The following WDR59 variants were observed in gnomAD, a reference collection of about 807,000 sequenced individuals.
The protein encoded by WDR59 is WD repeat domain 59.
Under a neutral mutation model 131.2 loss-of-function variants are expected in WDR59, and 100 were observed. That is an observed-to-expected ratio of 0.76 (90% CI 0.65 to 0.90). The LOEUF (loss-of-function observed/expected upper bound fraction) is 0.90, where lower values mean the gene tolerates loss of function less well. Ranked by LOEUF, WDR59 falls within the 40% of genes least tolerant of loss-of-function variation. The pLI is 0.00. For missense variants in WDR59, 1,203 were observed against 1,262.2 expected, an observed-to-expected ratio of 0.95 and a Z score of 0.71; for synonymous variants, 601 against 466.2, an observed-to-expected ratio of 1.29 and a Z score of -3.72.
At chr16:74,959,364 C>T (rs1287628459) in intron 2 of WDR59, 7 of 289,908 alleles carry the variant, frequency 2.4e-5, no homozygotes, top group Non-Finnish European at 2.7e-5. Flanking sequence ...TCTCCTCCAC[C>T]GTCTACCCAC....
At chr16:74,920,817 A>C (rs1382057399) in intron 10 of WDR59, among the ~76,000 whole-genome samples, 1 of 152,228 alleles carries the variant, frequency 6.6e-6, no homozygotes, top group East Asian at 1.9e-4. Context: ...GTTCAGAAAC[A>C]GGCAAACCTA....
rs1964076427 is a variant in WDR59 at position 74,873,924 on chromosome 16, C to T, written c.*285G>A. 1 of 413,828 alleles carries T rather than the reference C, an allele frequency of 2.4e-6. No homozygotes were observed. The highest frequency in any genetic ancestry group is 2.7e-5 in the South Asian group (1 of 36,422). The allele number at this position is 413,828 out of a possible 1,614,324, so 25.6% of individuals were successfully genotyped here. A position where few individuals can be genotyped will look rare whatever the true frequency, so the allele number is the denominator to read the frequency against. On this transcript the variant is annotated 3_prime_UTR_variant, in exon 26 of 26. Coordinates refer to ENST00000262144, the MANE Select transcript of WDR59 (RefSeq NM_030581.4). ...ACTGGCCCTGGAGCCAGGTGCTTTT[C>T]TCCATGAAAACTTCCACCTTGGTAG...
Position 74,908,986 on chromosome 16 carries a change from G to C in WDR59, c.1643-9C>G. 1 of 1,612,774 alleles carries C rather than the reference G, an allele frequency of 6.2e-7. No individual in the cohort carries two copies. The highest frequency in any genetic ancestry group is 8.5e-7 in the Non-Finnish European group (1 of 1,179,560). On this transcript the variant is annotated splice_polypyrimidine_tract_variant and intron_variant, in intron 16 of 25. Coordinates refer to ENST00000262144, the MANE Select transcript of WDR59 (RefSeq NM_030581.4). ...GAAATATACCAGGTAACCTAAAGGAGGAGACATCACATGAGCCATCAGTGT... is the reference window on the plus strand; with the variant it reads ...GAAATATACCAGGTAACCTAAAGGACGAGACATCACATGAGCCATCAGTGT...
chr16:74,977,540 T>C (rs975792474), intron 1 of WDR59, among the ~76,000 whole-genome samples: 6 of 151,784 alleles, frequency 4.0e-5, no homozygotes, highest in South Asian at 2.1e-4. Flanking sequence ...TACAAAAAAA[T>C]AGCAGGGTGT....
At chr16:74,942,055 C>T (rs1204686446) in intron 7 of WDR59, among the ~76,000 whole-genome samples, 2 of 152,230 alleles carry the variant, frequency 1.3e-5, no homozygotes, top group East Asian at 3.9e-4. Context: ...GCAGTCAATG[C>T]AGGGGAGGCC....
chr16:74,903,910 AGG>A (rs1358143754), intron 18 of WDR59, 35 bp downstream of exon 18: 1 of 1,580,468 alleles, frequency 6.3e-7, no homozygotes, highest in South Asian at 1.1e-5. Flanking sequence ...ATCCAGGAGA[AGG>A]GGTAAGAATC....
At chr16:74,881,510 C>T (rs1265644356) in intron 25 of WDR59, among the ~76,000 whole-genome samples, 3 of 151,964 alleles carry the variant, frequency 2.0e-5, no homozygotes, top group African/African-American at 4.8e-5. Context: ...TCTTTCAATA[C>T]CTGCTGTGTC....
chr16:74,961,939 T>C (rs2033583613), intron 2 of WDR59, among the ~76,000 whole-genome samples: 2 of 152,342 alleles, frequency 1.3e-5, no homozygotes, highest in African/African-American at 4.8e-5. Context: ...CATTTAAGTC[T>C]TTAATCCATC....
At chr16:74,922,466 A>G (rs2030340691) in intron 9 of WDR59, among the ~76,000 whole-genome samples, 1 of 152,232 alleles carries the variant, frequency 6.6e-6, no homozygotes, top group South Asian at 2.1e-4. Context: ...CAGAATGAGC[A>G]TGCAGGGCTG....
intron 3 of WDR59, 90 bp downstream of exon 3, chr16:74,956,385 C>T: frequency 6.7e-7 from 1 of 1,482,764 alleles, no homozygotes; most frequent in Non-Finnish European, 9.0e-7. Flanking sequence ...GCAATGAGGA[C>T]TGCATTCTCT....
At chr16:74,959,480 T>A in intron 2 of WDR59, 1 of 441,046 alleles carries the variant, frequency 2.3e-6, no homozygotes, top group Non-Finnish European at 4.5e-6. Context: ...AAAAAAGCCT[T>A]CATGGTTGGA....
At chr16:74,967,696 T>C (rs974345766) in intron 1 of WDR59, among the ~76,000 whole-genome samples, 1 of 151,798 alleles carries the variant, frequency 6.6e-6, no homozygotes, top group Admixed American at 6.6e-5. Flanking sequence ...TCATCTCTAC[T>C]AAAAATACAA....
At chr16:74,955,271 A>G (rs78755742) in intron 3 of WDR59, among the ~76,000 whole-genome samples, 2,502 of 152,308 alleles carry the variant, frequency 0.016, 62 homozygotes, top group African/African-American at 0.057. Flanking sequence ...TTTGATTGTC[A>G]TAACAACAGG....
intron 17 of WDR59, among the ~76,000 whole-genome samples, chr16:74,908,259 A>G (rs991145368): frequency 1.3e-5 from 2 of 152,068 alleles, no homozygotes; most frequent in Non-Finnish European, 2.9e-5. Flanking sequence ...TCTACAAAAA[A>G]TTATAAAAAT....
At chr16:74,938,908 G>C (rs754595693) in intron 7 of WDR59, among the ~76,000 whole-genome samples, 1 of 151,904 alleles carries the variant, frequency 6.6e-6, no homozygotes, top group Non-Finnish European at 1.5e-5. Context: ...GAGAGACTGA[G>C]ACATCCAAAT....
intron 8 of WDR59, 77 bp downstream of exon 8, chr16:74,938,073 T>C (rs1450523793): frequency 9.5e-7 from 1 of 1,052,602 alleles, no homozygotes; most frequent in Non-Finnish European, 1.3e-6. Context: ...ACTGCAGCTT[T>C]CCAACCAAGG....
At position 74,984,529 on chromosome 16, in the gene WDR59, A is replaced by G. The variant is rs995179389; in HGVS notation, c.54+435T>C. ...AGACGCTGCAACAGGCACTTTGCAAACAGTGTTTCATCGAATTCACCCCAA... is the reference window on the plus strand; with the variant it reads ...AGACGCTGCAACAGGCACTTTGCAAGCAGTGTTTCATCGAATTCACCCCAA... On this transcript the variant is annotated intron_variant, in intron 1 of 25. Coordinates refer to ENST00000262144, the MANE Select transcript of WDR59 (RefSeq NM_030581.4). 2.9e-5 allele frequency: 6 copies of G among 206,008 alleles called. No individual in the cohort carries two copies. The South Asian group carries it at 3.3e-4, about 11-fold the overall frequency. The allele number at this position is 206,008 out of a possible 1,614,324, so 12.8% of individuals were successfully genotyped here. A position where few individuals can be genotyped will look rare whatever the true frequency, so the allele number is the denominator to read the frequency against.
At chr16:74,903,745 G>T (rs9939371) in intron 18 of WDR59, among the ~76,000 whole-genome samples, 60,081 of 151,864 alleles carry the variant, frequency 0.4, 12,592 homozygotes, top group African/African-American at 0.54. Context: ...CCATAAGAAC[G>T]GCCCCCTGAC....
chr16:74,950,369 T>A (rs1047181634), intron 4 of WDR59, among the ~76,000 whole-genome samples: 1 of 152,126 alleles, frequency 6.6e-6, no homozygotes, highest in Non-Finnish European at 1.5e-5. Context: ...AATTTCTCTC[T>A]CTAAATAAAC....
Sources: gnomAD v4.1 joint callset for allele counts (sites outside exome capture counted in the v4.1 genomes callset) on GRCh38, gnomAD v4.1.1 for gene constraint, MANE v1.5 for transcripts, NCBI Gene and HGNC (gene_info 2026-07-23, HGNC 2026-07-21) for gene names.